Variants in WRAP73 observed in about 807,000 individuals in gnomAD.
The protein encoded by WRAP73 is WD repeat-containing protein WRAP73.
Under a neutral mutation model 59.6 loss-of-function variants are expected in WRAP73, and 55 were observed. The ratio of observed to expected loss-of-function variants is 0.92; its 90% CI spans 0.74 to 1.15. The LOEUF (loss-of-function observed/expected upper bound fraction) is 1.15, where lower values mean the gene tolerates loss of function less well. Among genes scored for constraint, WRAP73 ranks in the 50% most tolerant of loss-of-function variants. The pLI is 0.00. For synonymous variants in WRAP73, 265 were observed against 258.2 expected (o/e 1.03, Z -0.25); for missense variants, 592 against 608.1 (o/e 0.97, Z 0.28).
intron 10 of WRAP73, 107 bp from the exon 11 acceptor site, chr1:3,631,764 C>T (rs573684992): frequency 4.8e-6 from 7 of 1,458,664 alleles, no homozygotes; most frequent in Admixed American, 4.6e-5. Context: ...GGGGAAGAAC[C>T]GGTGGGGTGG....
In WRAP73 at chr1:3,637,131, C is replaced by A. The variant is rs778659710; in HGVS notation, c.413-33G>T. ...AAGAGGCAAATGCACTGAAATCAAG[C>A]GGCCACAAAATCAAGCAAGAGAAAC... On this transcript the variant is annotated intron_variant, in intron 4 of 11. Coordinates refer to ENST00000270708, the MANE Select transcript of WRAP73 (RefSeq NM_017818.4). The A allele has an allele frequency of 3.2e-6, 5 of 1,559,518 alleles. No individual in the cohort carries two copies. The South Asian group carries it at 4.6e-5, about 14-fold the overall frequency.
intron 1 of WRAP73, 25 bp downstream of exon 1, chr1:3,649,906 C>G (rs761489635): frequency 2.5e-6 from 4 of 1,586,312 alleles, no homozygotes; most frequent in Non-Finnish European, 3.4e-6. Context: ...ATGTCCTGCC[C>G]GTGGCCCAGG....
intron 6 of WRAP73, 161 bp from the exon 7 acceptor site, chr1:3,635,455 T>C (rs181325585): frequency 2.1e-5 from 19 of 919,742 alleles, no homozygotes; most frequent in East Asian, 1.3e-4. Context: ...AGTACTGAGA[T>C]AGTCACGGAG....
At chr1:3,636,105 GTTC>G in intron 5 of WRAP73, 75 bp from the exon 6 acceptor site, 3 of 1,088,230 alleles carry the variant, frequency 2.8e-6, no homozygotes, top group Non-Finnish European at 4.2e-6. Context: ...TATGACTGAT[GTTC>G]TTAACGCACT....
At chr1:3,641,119 G>A (rs938899469) in intron 3 of WRAP73, among the ~76,000 whole-genome samples, 5 of 152,208 alleles carry the variant, frequency 3.3e-5, no homozygotes, top group African/African-American at 1.2e-4. Context: ...AGAAGCCAGC[G>A]GAGGAGACCC....
intron 1 of WRAP73, among the ~76,000 whole-genome samples, chr1:3,649,716 T>C (rs1173313656): frequency 6.6e-6 from 1 of 150,382 alleles, no homozygotes; most frequent in South Asian, 2.1e-4. Flanking sequence ...GCCCTCCACC[T>C]GTCTAGGGTA....
At chr1:3,643,016 G>C (rs1310214847) in intron 3 of WRAP73, among the ~76,000 whole-genome samples, 2 of 152,212 alleles carry the variant, frequency 1.3e-5, no homozygotes, top group East Asian at 1.9e-4. Flanking sequence ...GCCAAGCAAG[G>C]CTCTCCTAGA....
chr1:3,633,537 G>T (rs778959642), intron 8 of WRAP73, 34 bp from the exon 9 acceptor site: 30 of 1,521,092 alleles, frequency 2.0e-5, no homozygotes, highest in Non-Finnish European at 2.5e-5. Flanking sequence ...CCCGGCTCAG[G>T]ACAGGGACCC....
intron 5 of WRAP73, chr1:3,636,301 T>G: frequency 2.4e-6 from 1 of 424,146 alleles, no homozygotes; most frequent in Non-Finnish European, 4.3e-6. Context: ...CCCCTCACCT[T>G]TCCTTGCCTG....
Position 3,644,410 on chromosome 1 carries a change from A to G in WRAP73, c.339+2256T>C, listed in dbSNP as rs60777787. Among the ~76,000 whole-genome samples the G allele has an allele frequency of 3.8e-3, 333 of 86,850 alleles. 17 individuals are homozygous for G. The highest frequency in any genetic ancestry group is 0.02 in the African/African-American group (217 of 10,954). 57.0% of individuals were successfully genotyped at this position (86,850 alleles called of 152,430 possible). On this transcript the variant is annotated intron_variant, in intron 3 of 11. Coordinates refer to ENST00000270708, the MANE Select transcript of WRAP73 (RefSeq NM_017818.4). ...GCCCCGGACATGGGGTCGCGCCTTC[A>G]GAAGGGGACCTAGTGGCCCCGCTAA...
At chr1:3,638,269 A>G (rs551892448) in intron 4 of WRAP73, among the ~76,000 whole-genome samples, 1 of 152,334 alleles carries the variant, frequency 6.6e-6, no homozygotes, top group Admixed American at 6.5e-5. Flanking sequence ...CAGATGGCTC[A>G]CAGGCTTCCA....
chr1:3,637,579 C>T (rs749595847), intron 4 of WRAP73, among the ~76,000 whole-genome samples: 12 of 152,300 alleles, frequency 7.9e-5, no homozygotes, highest in South Asian at 2.1e-4. Context: ...TGGTGGCTCA[C>T]GCCTGTAATC....
At chr1:3,637,885 T>TA in intron 4 of WRAP73, among the ~76,000 whole-genome samples, 1 of 152,228 alleles carries the variant, frequency 6.6e-6, no homozygotes, top group Admixed American at 6.5e-5. Context: ...TTGAAAATGT[T>TA]AAACTCTTAT....
chr1:3,636,348 G>A, intron 5 of WRAP73: 2 of 364,212 alleles, frequency 5.5e-6, no homozygotes, highest in Non-Finnish European at 5.2e-6. Context: ...CCCCGCGCCT[G>A]CACTCGTGTG....
chr1:3,631,755 G>T (rs1050778326), intron 10 of WRAP73, 98 bp from the exon 11 acceptor site: 1 of 1,486,204 alleles, frequency 6.7e-7, no homozygotes. Context: ...AGGAGGGGAG[G>T]GGAAGAACCG....
chr1:3,649,654 C>T (rs548462896), intron 1 of WRAP73, among the ~76,000 whole-genome samples: 21 of 150,864 alleles, frequency 1.4e-4, no homozygotes, highest in Non-Finnish European at 2.8e-4. Context: ...GGGCCCCGCA[C>T]CTGCTTGGGG....
intron 6 of WRAP73, chr1:3,635,549 T>C (rs975245949): frequency 1.4e-5 from 8 of 554,194 alleles, no homozygotes; most frequent in Non-Finnish European, 2.2e-5. Context: ...GGCCGGGCAC[T>C]GTGGCTCACG....
Position 3,647,424 on chromosome 1 carries a change from T to C in WRAP73, c.206A>G (p.Lys69Arg), listed in dbSNP as rs1644702338. The change falls in exon 2 of 12, where the codon AAG becomes AGG. Residue 69 changes from lysine (K) to arginine (R), a missense_variant. Coordinates refer to ENST00000270708, the MANE Select transcript of WRAP73 (RefSeq NM_017818.4). ...AGCACACACCTGCACCAGCCCTCGC[T>C]TGTACATGGCGCACAGGATGAAGAG... ...DSLFILCAMYKRGLVQVWSLE... is the reference protein window; with the variant it reads ...DSLFILCAMYRRGLVQVWSLE... 1 of 1,613,638 alleles carries C rather than the reference T, an allele frequency of 6.2e-7. No individual in the cohort carries two copies. The highest frequency in any genetic ancestry group is 1.7e-5 in the Admixed American group (1 of 59,964).
Position 3,647,556 on chromosome 1 carries a change from G to C in WRAP73, c.74C>G (p.Ser25Cys). 3 of 1,608,668 alleles carry C rather than the reference G, an allele frequency of 1.9e-6. No individual in the cohort carries two copies. The highest frequency in any genetic ancestry group is 2.5e-6 in the Non-Finnish European group (3 of 1,178,238). ...KFSPDGKYLASCVQYRLVVRD... is the reference protein window; with the variant it reads ...KFSPDGKYLACCVQYRLVVRD... ...GACCACTAACCGGTACTGGACACAG[G>C]AAGCCTAAAAAATATGAGAAAGCAA... Residue 25 changes from serine (S) to cysteine (C), a missense_variant, in exon 2 of 12, where the codon TCC becomes TGC. Physicochemically the swap from Ser to Cys is moderately radical, Grantham distance 112. Transcript: ENST00000270708.
Sources: allele counts gnomAD v4.1 joint callset (sites outside exome capture counted in the v4.1 genomes callset), GRCh38; gene constraint gnomAD v4.1.1; transcripts MANE v1.5; gene names NCBI Gene and HGNC (gene_info 2026-07-23, HGNC 2026-07-21).